PYGB: variants seen among roughly 807,000 people sequenced by gnomAD.
PYGB encodes the protein glycogen phosphorylase B, also known as glycogen phosphorylase, brain form.
A neutral mutation model predicts 94.3 loss-of-function variants in PYGB; 82 were observed. The observed-to-expected ratio is 0.87, with a 90% CI of 0.73 to 1.04. PYGB has a LOEUF of 1.04. PYGB is among the 50% of genes least tolerant of loss of function. The pLI is 0.00. For missense variants in PYGB, 1,132 were observed against 1,158.2 expected (o/e 0.98, Z 0.33); for synonymous variants, 488 against 479.1 (o/e 1.02, Z -0.24).
chr20:25,285,092 G>A (rs1167678179), intron 14 of PYGB: 4 of 152,180 alleles, frequency 2.6e-5, no homozygotes, highest in African/African-American at 4.8e-5. Context: ...AGTAAGCCTC[G>A]ATGGGGTGGA....
chr20:25,260,449 A>G (rs770348109), intron 2 of PYGB, among the ~76,000 whole-genome samples: 4 of 152,230 alleles, frequency 2.6e-5, no homozygotes, highest in Non-Finnish European at 2.9e-5. Flanking sequence ...TAATTATAAA[A>G]ATTTAGAAAT....
At chr20:25,250,157 C>A (rs1171789933) in intron 1 of PYGB, among the ~76,000 whole-genome samples, 1 of 152,210 alleles carries the variant, frequency 6.6e-6, no homozygotes, top group African/African-American at 2.4e-5. Flanking sequence ...CCCGCAACAT[C>A]ATTTTTATTG....
chr20:25,268,840 T>C (rs1382802272), intron 2 of PYGB, among the ~76,000 whole-genome samples: 1 of 152,262 alleles, frequency 6.6e-6, no homozygotes, highest in Non-Finnish European at 1.5e-5. Context: ...ATATCGCCCA[T>C]GTGAAATTAG....
chr20:25,270,965 C>G (rs532123307), intron 3 of PYGB, among the ~76,000 whole-genome samples: 3 of 152,274 alleles, frequency 2.0e-5, no homozygotes, highest in African/African-American at 7.2e-5. Flanking sequence ...ACTGCTGTGC[C>G]GGCTTCACTC....
At chr20:25,273,418 G>A (rs1212036671) in intron 4 of PYGB, among the ~76,000 whole-genome samples, 7 of 152,158 alleles carry the variant, frequency 4.6e-5, no homozygotes, top group South Asian at 4.1e-4. Flanking sequence ...AGTCTTGCTC[G>A]TGACTCTTGG....
intron 14 of PYGB, among the ~76,000 whole-genome samples, chr20:25,286,085 C>T (rs2088415854): frequency 6.6e-6 from 1 of 152,172 alleles, no homozygotes; most frequent in Non-Finnish European, 1.5e-5. Flanking sequence ...TGTCTGAGTT[C>T]TCGATCTCAT....
At chr20:25,291,353 T>C (rs1469599625) in intron 16 of PYGB, among the ~76,000 whole-genome samples, 1 of 152,088 alleles carries the variant, frequency 6.6e-6, no homozygotes, top group Non-Finnish European at 1.5e-5. Flanking sequence ...AGCCTGGCCT[T>C]CTCGTGCTCC....
rs778260504 is a variant in PYGB, at chr20:25,248,407, G to C, written c.229G>C (p.Glu77Gln). ...GATCCGCACGCAGCAGCACTACTAC[G>C]AGCGCGACCCCAAGGTGAGGCGCTG... ...RWIRTQQHYY[E>Q]RDPKRIYYLS... The change falls in exon 1 of 20, where the codon GAG (glutamate) becomes CAG (glutamine). Residue 77 changes from glutamate to glutamine, a missense_variant. Coordinates refer to ENST00000216962, the MANE Select transcript of PYGB (RefSeq NM_002862.4). 1 of 1,547,784 alleles carries C rather than the reference G, an allele frequency of 6.5e-7. No individual in the cohort carries two copies. Among genetic ancestry groups the C allele is most frequent in the Admixed American group, 1.9e-5 (1 of 52,570 alleles).
chr20:25,295,800 T>TG, intron 19 of PYGB, 130 bp downstream of exon 19: 1 of 1,039,512 alleles, frequency 9.6e-7, no homozygotes, highest in Non-Finnish European at 1.5e-6. Context: ...GATTCTGATC[T>TG]GTCATCAGTC....
chr20:25,275,840 A>G (rs930473880), intron 5 of PYGB, among the ~76,000 whole-genome samples: 6 of 151,626 alleles, frequency 4.0e-5, no homozygotes, highest in African/African-American at 1.5e-4. Context: ...GCAAGGGTTG[A>G]CAGGAGAGAG....
rs1381467855 is a variant in PYGB, at chr20:25,294,190, CCGAGCTGAAG to C, written c.2212_2221del (p.Glu738ArgfsTer23). On this transcript the variant is annotated frameshift_variant, in exon 18 of 20. Coordinates refer to ENST00000216962, the MANE Select transcript of PYGB (RefSeq NM_002862.4). LOFTEE classifies it high-confidence loss of function. ...GCCAGGGAGTACTACGACCACCTGC[CCGAGCTGAAG>C]CAGGCCGTGGACCAGATCAGCAGTG... 6.2e-7 allele frequency: 1 copy of C among 1,613,932 alleles called. No homozygotes were observed.
chr20:25,282,914 G>A (rs1333312427), intron 12 of PYGB, among the ~76,000 whole-genome samples: 3 of 152,214 alleles, frequency 2.0e-5, no homozygotes, highest in Non-Finnish European at 4.4e-5. Flanking sequence ...CCCTGGGATC[G>A]GTGGCTGAGG....
At chr20:25,271,362 A>G in intron 3 of PYGB, 21 bp from the exon 4 acceptor site, 2 of 1,610,936 alleles carry the variant, frequency 1.2e-6, no homozygotes, top group Non-Finnish European at 1.7e-6. Flanking sequence ...ATTCTGACTG[A>G]TTTGTGATTG....
rs200234930 is a variant in PYGB, at chr20:25,291,759, G to A, written c.1970-647G>A. 5.9e-5 allele frequency among the ~76,000 whole-genome samples: 9 copies of A among 152,250 alleles called. No homozygotes were observed. The East Asian group carries it at 1.6e-3, about 26-fold the overall frequency. On this transcript the variant is annotated intron_variant, in intron 16 of 19. Coordinates refer to ENST00000216962, the MANE Select transcript of PYGB (RefSeq NM_002862.4). ...CTTCAGGCACCTGGTCTGGAGTCTC[G>A]GTGCTGGCGTCAGGGCCCCGTTCTC...
intron 3 of PYGB, among the ~76,000 whole-genome samples, chr20:25,270,294 C>T (rs1286868666): frequency 7.9e-5 from 12 of 151,010 alleles, no homozygotes; most frequent in African/African-American, 2.2e-4. Context: ...CTCCGCCTCC[C>T]GGTTTCACGC....
intron 2 of PYGB, among the ~76,000 whole-genome samples, chr20:25,261,080 G>A (rs2092912449): frequency 6.6e-6 from 1 of 152,270 alleles, no homozygotes; most frequent in African/African-American, 2.4e-5. Flanking sequence ...AAAGGCAGCA[G>A]AAACTTCTGC....
chr20:25,294,322 G>A (rs372745458), intron 18 of PYGB, 30 bp downstream of exon 18: 17 of 1,350,168 alleles, frequency 1.3e-5, no homozygotes, highest in African/African-American at 1.6e-5. Flanking sequence ...TTGGGTGGCT[G>A]GGAGGGAGGG....
intron 15 of PYGB, 131 bp from the exon 16 acceptor site, chr20:25,290,350 C>A: frequency 8.0e-7 from 1 of 1,245,498 alleles, no homozygotes; most frequent in Non-Finnish European, 1.1e-6. Flanking sequence ...CCTAGCTCCT[C>A]TACTGACCGT....
rs2088448946 is a variant in PYGB, at chr20:25,289,755, A to C, written c.1828-726A>C. ...CAGACTAGCTGAAGCATTTCACAGTAAACTGCAGACACTCTAGCTCTTCAC... is the reference window on the plus strand; with the variant it reads ...CAGACTAGCTGAAGCATTTCACAGTCAACTGCAGACACTCTAGCTCTTCAC... On this transcript the variant is annotated intron_variant, in intron 15 of 19. Transcript: ENST00000216962. 1.8e-5 allele frequency: 9 copies of C among 499,208 alleles called. 1 individual carries two copies. The highest frequency in any genetic ancestry group is 1.3e-4 in the South Asian group (9 of 67,004). The allele number at this position is 499,208 out of a possible 1,614,324, so 30.9% of individuals were successfully genotyped here.
Sources: allele counts gnomAD v4.1 joint callset (sites outside exome capture counted in the v4.1 genomes callset), GRCh38; gene constraint gnomAD v4.1.1; transcripts MANE v1.5; gene names NCBI Gene and HGNC (gene_info 2026-07-23, HGNC 2026-07-21).